B3GALT1: variants seen among roughly 807,000 people sequenced by gnomAD.
B3GALT1 encodes the protein UDP-Gal:betaGlcNAc beta 1,3-galactosyltransferase, polypeptide 1.
A neutral mutation model predicts 23.2 loss-of-function variants in B3GALT1; 10 were observed. That is an observed-to-expected ratio of 0.43 (90% CI 0.27 to 0.73). The LOEUF is 0.73. Ranked by LOEUF, B3GALT1 falls within the 30% of genes least tolerant of loss-of-function variation. The pLI is 0.21. For synonymous variants in B3GALT1, 156 were observed against 141.5 expected (o/e 1.10, Z -0.73); for missense variants, 299 against 405.4 (o/e 0.74, Z 2.25).
At chr2:167,717,128 T>A (rs1034508811) in intron 3 of B3GALT1, among the ~76,000 whole-genome samples, 2 of 152,114 alleles carry the variant, frequency 1.3e-5, no homozygotes, top group African/African-American at 4.8e-5. Flanking sequence ...ACAACCTGTT[T>A]TGTCTTTCAT....
chr2:167,659,952 T>A (rs1686026829), intron 3 of B3GALT1, among the ~76,000 whole-genome samples: 1 of 152,076 alleles, frequency 6.6e-6, no homozygotes, highest in African/African-American at 2.4e-5. Flanking sequence ...CAATTCAAAT[T>A]TTTATCCCAG....
At chr2:167,609,893 G>A (rs1685028993) in intron 2 of B3GALT1, among the ~76,000 whole-genome samples, 1 of 152,126 alleles carries the variant, frequency 6.6e-6, no homozygotes, top group Non-Finnish European at 1.5e-5. Flanking sequence ...TAGATGTGGA[G>A]CGAAGGTATT....
At position 167,717,405 on chromosome 2, in the gene B3GALT1, G is replaced by A. The variant is rs1574228675; in HGVS notation, c.-352+70439G>A. The stretch of plus-strand genomic sequence containing the variant: ...GCGGCACCCATTAACTCGTCATTTA[G>A]CATTAGGTATATCTCCTAATGCTAT... On this transcript the variant is annotated intron_variant, in intron 3 of 4. Coordinates refer to ENST00000392690, the MANE Select transcript of B3GALT1 (RefSeq NM_020981.4). Among the ~76,000 whole-genome samples the A allele has an allele frequency of 2.0e-5, 3 of 151,594 alleles. No homozygotes were observed. In the South Asian group the frequency reaches 6.3e-4, roughly 32 times the overall value.
intron 4 of B3GALT1, among the ~76,000 whole-genome samples, chr2:167,837,871 A>G (rs1477799407): frequency 6.6e-6 from 1 of 152,118 alleles, no homozygotes; most frequent in South Asian, 2.1e-4. Context: ...GGATTAAGAA[A>G]CTCACTCAAA....
At chr2:167,716,055 G>A (rs893204832) in intron 3 of B3GALT1, 56 of 1,593,820 alleles carry the variant, frequency 3.5e-5, no homozygotes, top group Admixed American at 8.4e-5. Context: ...GGTAGCGCCG[G>A]GCTCCTCCAT....
intron 4 of B3GALT1, among the ~76,000 whole-genome samples, chr2:167,864,803 C>T (rs914210756): frequency 4.6e-5 from 7 of 152,180 alleles, no homozygotes; most frequent in African/African-American, 1.7e-4. Context: ...TCTCTTATAA[C>T]ACTGTCAGGA....
intron 3 of B3GALT1, among the ~76,000 whole-genome samples, chr2:167,682,155 A>ACTTCT (rs1686541510): frequency 1.3e-5 from 2 of 151,958 alleles, no homozygotes; most frequent in Middle Eastern, 3.4e-3. Flanking sequence ...TCTTGCTTAG[A>ACTTCT]CTGTTGCATC....
chr2:167,394,508 A>G (rs1405393396), intron 1 of B3GALT1, among the ~76,000 whole-genome samples: 2 of 152,152 alleles, frequency 1.3e-5, no homozygotes, highest in East Asian at 3.8e-4. Flanking sequence ...TTGATGCTAC[A>G]GCTTTGATGC....
chr2:167,436,246 T>G (rs6720269), intron 1 of B3GALT1, among the ~76,000 whole-genome samples: 16,322 of 152,196 alleles, frequency 0.11, 998 homozygotes, highest in African/African-American at 0.17. Context: ...CTCCTACGAC[T>G]TCTTACTTTT....
At chr2:167,753,536 G>A (rs763205020) in intron 3 of B3GALT1, among the ~76,000 whole-genome samples, 16 of 152,114 alleles carry the variant, frequency 1.1e-4, no homozygotes, top group Non-Finnish European at 1.9e-4. Context: ...GGGAGCTCTT[G>A]TGTCTCCACT....
intron 1 of B3GALT1, among the ~76,000 whole-genome samples, chr2:167,383,642 C>T (rs963895733): frequency 2.0e-5 from 3 of 152,174 alleles, no homozygotes; most frequent in East Asian, 1.9e-4. Context: ...CTCTGAAACA[C>T]GCATCTAAGA....
chr2:167,419,638 T>C (rs985670607), intron 1 of B3GALT1, among the ~76,000 whole-genome samples: 2 of 152,226 alleles, frequency 1.3e-5, no homozygotes, highest in African/African-American at 4.8e-5. Flanking sequence ...TGTATCATCA[T>C]TCATACCCAA....
At chr2:167,807,874 A>G (rs932897636) in intron 3 of B3GALT1, among the ~76,000 whole-genome samples, 57 of 151,602 alleles carry the variant, frequency 3.8e-4, no homozygotes, top group African/African-American at 1.3e-3. Flanking sequence ...TATCCTTGTT[A>G]ACTTTCTGTC....
chr2:167,518,790 C>T (rs1700140555), intron 2 of B3GALT1, among the ~76,000 whole-genome samples: 1 of 152,162 alleles, frequency 6.6e-6, no homozygotes, highest in Non-Finnish European at 1.5e-5. Flanking sequence ...TTCCTTACAA[C>T]CTTAAACTTT....
intron 1 of B3GALT1, among the ~76,000 whole-genome samples, chr2:167,385,740 C>T (rs1054271589): frequency 2.0e-5 from 3 of 151,960 alleles, no homozygotes; most frequent in African/African-American, 7.2e-5. Context: ...CCTTTTTTTT[C>T]ACCAAAATTG....
chr2:167,841,377 G>T (rs959368001), intron 4 of B3GALT1, among the ~76,000 whole-genome samples: 1 of 152,216 alleles, frequency 6.6e-6, no homozygotes, highest in African/African-American at 2.4e-5. Context: ...TTTAATCATT[G>T]TGACCACCTC....
Position 167,463,323 on chromosome 2 carries a change from G to T in B3GALT1, c.-510-26854G>T, listed in dbSNP as rs116043276. Among the ~76,000 whole-genome samples the T allele has an allele frequency of 5.8e-3, 881 of 152,118 alleles. 9 individuals carry two copies. Among genetic ancestry groups the T allele is most frequent in the African/African-American group, 0.02 (845 of 41,518 alleles). ...ATGTTGTGCCTTTTAAAGTTTATCAGAAAGAAGTGTAAGGTTCTCCACGTG... is the reference window on the plus strand; with the variant it reads ...ATGTTGTGCCTTTTAAAGTTTATCATAAAGAAGTGTAAGGTTCTCCACGTG... On this transcript the variant is annotated intron_variant, in intron 1 of 4. Transcript: ENST00000392690.
intron 2 of B3GALT1, among the ~76,000 whole-genome samples, chr2:167,532,952 C>T (rs945603958): frequency 9.4e-5 from 14 of 149,654 alleles, no homozygotes; most frequent in Non-Finnish European, 1.8e-4. Context: ...ACCTCCACCT[C>T]GTGGGTTCAA....
At chr2:167,663,485 G>A (rs1025198986) in intron 3 of B3GALT1, among the ~76,000 whole-genome samples, 67 of 152,172 alleles carry the variant, frequency 4.4e-4, no homozygotes, top group African/African-American at 1.5e-3. Context: ...CAGTAATGGG[G>A]TGGCTGGGTC....
Sources: gnomAD v4.1 joint callset for allele counts (sites outside exome capture counted in the v4.1 genomes callset) on GRCh38, gnomAD v4.1.1 for gene constraint, MANE v1.5 for transcripts, NCBI Gene and HGNC (gene_info 2026-07-23, HGNC 2026-07-21) for gene names.